Variants in KCNAB1 observed in about 807,000 individuals in gnomAD.
KCNAB1 encodes the protein voltage-gated potassium channel subunit beta-1.
Under a neutral mutation model 64.6 loss-of-function variants are expected in KCNAB1, and 35 were observed. The ratio of observed to expected loss-of-function variants is 0.54; its 90% CI spans 0.41 to 0.72. KCNAB1 has a LOEUF of 0.72. Among genes scored for constraint, KCNAB1 ranks in the 30% least tolerant of loss-of-function variants. The pLI is 0.00. For synonymous variants in KCNAB1, 177 were observed against 183.8 expected (o/e 0.96, Z 0.30); for missense variants, 401 against 512.9 (o/e 0.78, Z 2.11).
At chr3:156,463,454 C>T (rs1301856782) in intron 5 of KCNAB1, among the ~76,000 whole-genome samples, 3 of 152,152 alleles carry the variant, frequency 2.0e-5, no homozygotes, top group East Asian at 1.9e-4. Context: ...TATCACTGCC[C>T]TCCACCTCCT....
chr3:156,202,235 A>C (rs551591106), intron 1 of KCNAB1, among the ~76,000 whole-genome samples: 1 of 152,140 alleles, frequency 6.6e-6, no homozygotes, highest in Admixed American at 6.5e-5. Context: ...AGTGTCTGTC[A>C]TGGTTGAGGA....
rs149729358 is a variant in KCNAB1 at position 156,336,188 on chromosome 3, C to T, written c.276-85428C>T. ...CAGCCTGGCCAACATGGCGAAACCCCGACTCTACTAAAAATACAACAAATT... is the reference window on the plus strand; with the variant it reads ...CAGCCTGGCCAACATGGCGAAACCCTGACTCTACTAAAAATACAACAAATT... On this transcript the variant is annotated intron_variant, in intron 1 of 13. Coordinates refer to ENST00000490337, the MANE Select transcript of KCNAB1 (RefSeq NM_172160.3). Among the ~76,000 whole-genome samples, 1,181 of 152,122 alleles carry T rather than the reference C, an allele frequency of 7.8e-3. 10 individuals are homozygous for T. Among genetic ancestry groups the T allele is most frequent in the African/African-American group, 0.027 (1,127 of 41,470 alleles).
chr3:156,333,343 TACAC>T (rs947503880), intron 1 of KCNAB1, among the ~76,000 whole-genome samples: 6 of 119,518 alleles, frequency 5.0e-5, no homozygotes, highest in South Asian at 2.8e-4. Context: ...CACACACACA[TACAC>T]ACACACACAC....
intron 1 of KCNAB1, among the ~76,000 whole-genome samples, chr3:156,371,741 A>G (rs1184247487): frequency 6.6e-6 from 1 of 152,192 alleles, no homozygotes; most frequent in African/African-American, 2.4e-5. Context: ...AGTATTTTGC[A>G]TATAAAAATA....
At chr3:156,191,782 G>A (rs1036135303) in intron 1 of KCNAB1, among the ~76,000 whole-genome samples, 7 of 152,232 alleles carry the variant, frequency 4.6e-5, no homozygotes, top group South Asian at 2.1e-4. Context: ...CCCTCAATTT[G>A]CTTGTTCATT....
chr3:156,235,791 T>C (rs1038467545), intron 1 of KCNAB1, among the ~76,000 whole-genome samples: 1 of 152,206 alleles, frequency 6.6e-6, no homozygotes, highest in African/African-American at 2.4e-5. Context: ...AATCCTTGAA[T>C]TCTCTGCAAG....
intron 1 of KCNAB1, among the ~76,000 whole-genome samples, chr3:156,250,180 A>C (rs1717737487): frequency 1.3e-5 from 2 of 152,132 alleles, no homozygotes; most frequent in Non-Finnish European, 2.9e-5. Flanking sequence ...GGAAAGAACA[A>C]ACATTTTGAG....
At chr3:156,364,158 C>G (rs1391576295) in intron 1 of KCNAB1, among the ~76,000 whole-genome samples, 1 of 152,152 alleles carries the variant, frequency 6.6e-6, no homozygotes, top group East Asian at 1.9e-4. Flanking sequence ...AAGGAAGTTC[C>G]AGAGGTAATC....
intron 1 of KCNAB1, among the ~76,000 whole-genome samples, chr3:156,250,464 G>A (rs531440935): frequency 6.6e-5 from 10 of 152,218 alleles, no homozygotes; most frequent in East Asian, 5.8e-4. Flanking sequence ...CTCAGAACCC[G>A]TAGTTCTAGC....
intron 1 of KCNAB1, among the ~76,000 whole-genome samples, chr3:156,220,138 T>G (rs760582273): frequency 6.6e-6 from 1 of 152,180 alleles, no homozygotes; most frequent in Non-Finnish European, 1.5e-5. Context: ...TTGGGTTGGT[T>G]CCAAGTCTTT....
At chr3:156,245,951 T>TAGGTTATTTTAATCAA (rs1560155651) in intron 1 of KCNAB1, among the ~76,000 whole-genome samples, 1 of 138,078 alleles carries the variant, frequency 7.2e-6, no homozygotes, top group Non-Finnish European at 1.5e-5. Context: ...TTATAACTGA[T>TAGGTTATTTTAATCAA]AGGTTATTTT....
intron 8 of KCNAB1, among the ~76,000 whole-genome samples, chr3:156,480,402 G>C (rs1220876994): frequency 1.3e-5 from 2 of 151,938 alleles, no homozygotes; most frequent in South Asian, 2.1e-4. Context: ...AGGGGAGAGA[G>C]AGCATTAGGA....
chr3:156,285,463 A>G (rs1342124650), intron 1 of KCNAB1, among the ~76,000 whole-genome samples: 1 of 151,392 alleles, frequency 6.6e-6, no homozygotes, highest in Non-Finnish European at 1.5e-5. Flanking sequence ...GTTAACTACC[A>G]TGAAGAGGCC....
intron 1 of KCNAB1, among the ~76,000 whole-genome samples, chr3:156,148,934 G>A (rs1454803239): frequency 1.3e-5 from 2 of 151,712 alleles, no homozygotes; most frequent in Non-Finnish European, 2.9e-5. Context: ...CTCACACATG[G>A]GCTCCTAATC....
chr3:156,225,802 GAACTC>G (rs1467977249), intron 1 of KCNAB1, among the ~76,000 whole-genome samples: 2 of 152,074 alleles, frequency 1.3e-5, no homozygotes, highest in African/African-American at 2.4e-5. Flanking sequence ...ATCAAATCAA[GAACTC>G]AACTCCTTTC....
intron 1 of KCNAB1, among the ~76,000 whole-genome samples, chr3:156,305,714 A>G (rs115285374): frequency 0.01 from 1,598 of 152,332 alleles, 21 homozygotes; most frequent in Non-Finnish European, 0.017. Flanking sequence ...TCAAATTTGC[A>G]TAGGTTACAA....
rs74993156 is a variant in KCNAB1 at position 156,359,555 on chromosome 3, T to G, written c.276-62061T>G. Among the ~76,000 whole-genome samples the G allele has an allele frequency of 2.6e-3, 391 of 152,278 alleles. 3 individuals are homozygous for G. The highest frequency in any genetic ancestry group is 8.9e-3 in the African/African-American group (370 of 41,546). ...TTGGGACTAATAAGATCAGTGACCTTAAAAACCAGCATCCAGGAGATCAAA... is the reference window on the plus strand; with the variant it reads ...TTGGGACTAATAAGATCAGTGACCTGAAAAACCAGCATCCAGGAGATCAAA... On this transcript the variant is annotated intron_variant, in intron 1 of 13. Transcript: ENST00000490337.
intron 12 of KCNAB1, among the ~76,000 whole-genome samples, chr3:156,526,657 T>C (rs1718327081): frequency 6.6e-6 from 1 of 152,204 alleles, no homozygotes; most frequent in Non-Finnish European, 1.5e-5. Flanking sequence ...TCAGGTTCTA[T>C]AGTAAGCACC....
intron 1 of KCNAB1, among the ~76,000 whole-genome samples, chr3:156,387,223 A>G (rs1365652796): frequency 6.6e-6 from 1 of 152,032 alleles, no homozygotes; most frequent in Non-Finnish European, 1.5e-5. Flanking sequence ...CGGGCCAGAA[A>G]AAACAAAGAA....
Sources: gnomAD v4.1 joint callset for allele counts (sites outside exome capture counted in the v4.1 genomes callset) on GRCh38, gnomAD v4.1.1 for gene constraint, MANE v1.5 for transcripts, NCBI Gene and HGNC (gene_info 2026-07-23, HGNC 2026-07-21) for gene names.